The following FHIP1A variants were observed in gnomAD, a reference collection of about 807,000 sequenced individuals.
FHIP1A encodes the protein FHF complex subunit HOOK interacting protein 1A, also known as FHF complex subunit HOOK-interacting protein 1A.
FHIP1A carries 61 observed loss-of-function variants against 88.6 expected under a neutral mutation model. The observed-to-expected ratio is 0.69, with a 90% CI of 0.56 to 0.85. The LOEUF (loss-of-function observed/expected upper bound fraction) is 0.85. Among genes scored for constraint, FHIP1A ranks in the 40% least tolerant of loss-of-function variants. The probability of loss-of-function intolerance (pLI) is 0.00; values close to 1 mark genes in which losing one functional copy is unlikely to be tolerated. For missense variants in FHIP1A, 1,154 were observed against 1,273.5 expected, an observed-to-expected ratio of 0.91 and a Z score of 1.43; for synonymous variants, 478 against 496.0, an observed-to-expected ratio of 0.96 and a Z score of 0.48.
intron 1 of FHIP1A, among the ~76,000 whole-genome samples, chr4:151,445,873 T>TATATA (rs1728582148): frequency 7.0e-6 from 1 of 143,884 alleles, no homozygotes; most frequent in African/African-American, 2.5e-5. Context: ...TATATATATA[T>TATATA]TTCATATGAT....
At position 151,577,724 on chromosome 4, in the gene FHIP1A, C is replaced by T; in HGVS notation, c.380C>T (p.Thr127Ile). 1 of 1,551,690 alleles carries T rather than the reference C, an allele frequency of 6.4e-7. No individual in the cohort carries two copies. The highest frequency in any genetic ancestry group is 8.7e-7 in the Non-Finnish European group (1 of 1,146,990). Residue 127 changes from threonine (T) to isoleucine (I), a missense_variant, in exon 5 of 14, where the codon ACC becomes ATC. Physicochemically the swap from Thr to Ile is moderately conservative, Grantham distance 89. Transcript: ENST00000435205. Reference sequence around the variant, plus strand: ...CTAAAGATGTATGAGATGTTGGTCACCCAGTCGCACCAGCCTCTGCTGCAC... The same window carrying T: ...CTAAAGATGTATGAGATGTTGGTCATCCAGTCGCACCAGCCTCTGCTGCAC... ...EQLKMYEMLV[T>I]QSHQPLLHHK...
chr4:151,665,689 G>A lies in FHIP1A; in HGVS notation c.*2935G>A, dbSNP rs959318488. 2.0e-5 allele frequency among the ~76,000 whole-genome samples: 3 copies of A among 152,220 alleles called. No homozygotes were observed. The highest frequency in any genetic ancestry group is 7.2e-5 in the African/African-American group (3 of 41,454). Reference sequence around the variant, plus strand: ...TGAAGAAACCAGGGAGTGGGTGGGTGAGAATGGGAACTCCTTGTCAGGAAA... The same window carrying A: ...TGAAGAAACCAGGGAGTGGGTGGGTAAGAATGGGAACTCCTTGTCAGGAAA... On this transcript the variant is annotated 3_prime_UTR_variant, in exon 14 of 14. Coordinates refer to ENST00000435205, the MANE Select transcript of FHIP1A (RefSeq NM_001109977.3).
At chr4:151,592,923 G>A (rs983939597) in intron 7 of FHIP1A, among the ~76,000 whole-genome samples, 1 of 151,984 alleles carries the variant, frequency 6.6e-6, no homozygotes, top group Non-Finnish European at 1.5e-5. Context: ...TTAATCCATC[G>A]TGAATTAATT....
chr4:151,513,056 G>A (rs545115049), intron 3 of FHIP1A, among the ~76,000 whole-genome samples: 3 of 152,296 alleles, frequency 2.0e-5, no homozygotes, highest in South Asian at 4.1e-4. Context: ...CAGAGAGAAA[G>A]GTCAGGTTAC....
intron 3 of FHIP1A, among the ~76,000 whole-genome samples, chr4:151,544,802 G>A (rs1192354401): frequency 6.6e-6 from 1 of 152,158 alleles, no homozygotes; most frequent in Non-Finnish European, 1.5e-5. Flanking sequence ...TCTTAATACA[G>A]CCTTGCTCTG....
At chr4:151,558,794 CACTGATCTAGACTGACAAAA>C (rs1212678379) in intron 3 of FHIP1A, among the ~76,000 whole-genome samples, 1 of 152,150 alleles carries the variant, frequency 6.6e-6, no homozygotes, top group Non-Finnish European at 1.5e-5. Flanking sequence ...TTTGGGGAAC[CACTGATCTAGACTGACAAAA>C]ACTTTGGCAA....
chr4:151,643,327 A>C (rs1736663430), intron 9 of FHIP1A, among the ~76,000 whole-genome samples: 1 of 139,270 alleles, frequency 7.2e-6, no homozygotes, highest in Non-Finnish European at 1.6e-5. Context: ...TCTTTTGAAA[A>C]TTGATGTATA....
rs1476848782 is a variant in FHIP1A at position 151,597,653 on chromosome 4, T to C, written c.978+8727T>C. On this transcript the variant is annotated intron_variant, in intron 7 of 13. Coordinates refer to ENST00000435205, the MANE Select transcript of FHIP1A (RefSeq NM_001109977.3). Reference sequence around the variant, plus strand: ...TAGCTGCCCCTTTCCCCAGGTGCTCTTTCCCAGGGAGATGGGAGTTTTATC... The same window carrying C: ...TAGCTGCCCCTTTCCCCAGGTGCTCCTTCCCAGGGAGATGGGAGTTTTATC... 2.0e-5 allele frequency among the ~76,000 whole-genome samples: 3 copies of C among 152,228 alleles called. No homozygotes were observed. The East Asian group carries it at 5.8e-4, about 29-fold the overall frequency.
intron 7 of FHIP1A, among the ~76,000 whole-genome samples, chr4:151,600,806 G>T (rs1458445580): frequency 6.6e-6 from 1 of 152,146 alleles, no homozygotes; most frequent in Non-Finnish European, 1.5e-5. Flanking sequence ...TTGGATTCCT[G>T]TACTGATTGA....
chr4:151,599,924 C>T (rs1167419486), intron 7 of FHIP1A, among the ~76,000 whole-genome samples: 2 of 152,164 alleles, frequency 1.3e-5, no homozygotes, highest in South Asian at 2.1e-4. Context: ...GGGGGCATTT[C>T]GGTCAGGATT....
chr4:151,602,640 C>T (rs928459934), intron 7 of FHIP1A, among the ~76,000 whole-genome samples: 2 of 151,924 alleles, frequency 1.3e-5, no homozygotes, highest in Non-Finnish European at 2.9e-5. Flanking sequence ...TGAGGGACCA[C>T]GAGGACTGAG....
chr4:151,646,819 C>A, intron 10 of FHIP1A, 71 bp downstream of exon 10: 1 of 1,051,722 alleles, frequency 9.5e-7, no homozygotes, highest in Non-Finnish European at 1.4e-6. Flanking sequence ...ATATGTGTCC[C>A]TTTGGGTAGA....
In FHIP1A at chr4:151,663,917, A is replaced by G. The variant is rs566939028; in HGVS notation, c.*1163A>G. 4.6e-5 allele frequency among the ~76,000 whole-genome samples: 7 copies of G among 152,302 alleles called. No individual in the cohort carries two copies. The highest frequency in any genetic ancestry group is 3.4e-3 in the Middle Eastern group (1 of 294). On this transcript the variant is annotated 3_prime_UTR_variant, in exon 14 of 14. Coordinates refer to ENST00000435205, the MANE Select transcript of FHIP1A (RefSeq NM_001109977.3). ...TAATGGGGTTCATTAGAAGGCCCCA[A>G]CGTGCTGTATGAGCGTCCCTCTGCT...
intron 1 of FHIP1A, among the ~76,000 whole-genome samples, chr4:151,421,345 A>T (rs779900222): frequency 6.6e-6 from 1 of 152,198 alleles, no homozygotes; most frequent in Non-Finnish European, 1.5e-5. Context: ...ATCTGACCTC[A>T]TTCTCCTCTT....
chr4:151,532,765 A>G (rs1731923894), intron 3 of FHIP1A, among the ~76,000 whole-genome samples: 1 of 152,158 alleles, frequency 6.6e-6, no homozygotes, highest in African/African-American at 2.4e-5. Flanking sequence ...AGAGTTCCAC[A>G]TGGCTGGGGA....
At chr4:151,496,261 AT>A (rs1325572725) in intron 3 of FHIP1A, among the ~76,000 whole-genome samples, 2 of 149,628 alleles carry the variant, frequency 1.3e-5, no homozygotes, top group Non-Finnish European at 3.0e-5. Flanking sequence ...ATATATATAT[AT>A]TTTTTCTTTC....
intron 1 of FHIP1A, among the ~76,000 whole-genome samples, chr4:151,418,222 C>CATT (rs968991293): frequency 7.0e-5 from 10 of 143,002 alleles, no homozygotes; most frequent in Non-Finnish European, 1.4e-4. Flanking sequence ...AACATGAATT[C>CATT]ATTGACTTTG....
chr4:151,545,098 C>T (rs1213686596), intron 3 of FHIP1A, among the ~76,000 whole-genome samples: 1 of 152,140 alleles, frequency 6.6e-6, no homozygotes, highest in Non-Finnish European at 1.5e-5. Flanking sequence ...TGGAAGTCCT[C>T]ACTGCCCTCA....
intron 3 of FHIP1A, among the ~76,000 whole-genome samples, chr4:151,551,158 A>G (rs998559784): frequency 4.6e-5 from 7 of 152,184 alleles, no homozygotes; most frequent in South Asian, 2.1e-4. Flanking sequence ...TTACAGTGCT[A>G]TTAAAGCTTG....
Sources: gnomAD v4.1 joint callset for allele counts (sites outside exome capture counted in the v4.1 genomes callset) on GRCh38, gnomAD v4.1.1 for gene constraint, MANE v1.5 for transcripts, NCBI Gene and HGNC (gene_info 2026-07-23, HGNC 2026-07-21) for gene names.